The following CDKL1 variants were observed in gnomAD, a reference collection of about 807,000 sequenced individuals.
CDKL1 encodes the protein cyclin dependent kinase like 1.
CDKL1 carries 41 observed loss-of-function variants against 42.0 expected under a neutral mutation model. That is an observed-to-expected ratio of 0.98 (90% CI 0.76 to 1.27). The LOEUF is 1.27. Ranked by LOEUF, CDKL1 falls within the 50% of genes most tolerant of loss-of-function variation. CDKL1 has a pLI of 0.00. For synonymous variants in CDKL1, 153 were observed against 158.6 expected, an observed-to-expected ratio of 0.96 and a Z score of 0.26; for missense variants, 394 against 428.4, an observed-to-expected ratio of 0.92 and a Z score of 0.71.
At chr14:50,336,625 G>A (rs186863053) in intron 7 of CDKL1, among the ~76,000 whole-genome samples, 13 of 152,306 alleles carry the variant, frequency 8.5e-5, no homozygotes, top group African/African-American at 3.1e-4. Flanking sequence ...TCTGAAAACT[G>A]AAGGGTTTAG....
chr14:50,395,758 T>G lies in CDKL1; in HGVS notation c.111A>C (p.Glu37Asp). ...GQIVAIKKFL[E>D]SEDDPVIKKI... The stretch of plus-strand genomic sequence containing the variant: ...TCTTTATGACAGGGTCATCTTCTGA[T>G]TCCAGAAACTTCTTGATGGCCACAA... Residue 37 changes from glutamate to aspartate, a missense_variant, in exon 2 of 10, where the codon GAA becomes GAC. Coordinates refer to ENST00000395834, the MANE Select transcript of CDKL1 (RefSeq NM_004196.7). 6.2e-7 allele frequency: 1 copy of G among 1,614,054 alleles called. No homozygotes were observed. The highest frequency in any genetic ancestry group is 8.5e-7 in the Non-Finnish European group (1 of 1,179,870).
chr14:50,359,045 C>T lies in CDKL1; in HGVS notation c.273G>A (p.Leu91=), dbSNP rs1227597997. The part of the protein sequence containing the change: ...EYCDHTVLHE[L]DRYQRGVPEH... ...TCACTCACCCTCTTTGGTATCTGTC[C>T]AACTCATGGAGAACTGTGTGGTCAC... The change falls in exon 3 of 10, where the codon TTG becomes TTA. Residue 91 remains leucine, a synonymous_variant. Transcript: ENST00000395834. The T allele has an allele frequency of 1.9e-6, 3 of 1,612,046 alleles. No individual in the cohort carries two copies. The highest frequency in any genetic ancestry group is 1.7e-6 in the Non-Finnish European group (2 of 1,178,542).
At chr14:50,349,208 A>G (rs2033822340) in intron 3 of CDKL1, among the ~76,000 whole-genome samples, 1 of 152,232 alleles carries the variant, frequency 6.6e-6, no homozygotes, top group Middle Eastern at 3.2e-3. Flanking sequence ...ACTAGAAGAT[A>G]GAAGACACTA....
chr14:50,363,697 C>G (rs1390181310), intron 2 of CDKL1: 1 of 152,200 alleles, frequency 6.6e-6, no homozygotes, highest in Non-Finnish European at 1.5e-5. Flanking sequence ...AGAAATGCAT[C>G]AATTCTACCC....
At chr14:50,335,319 AAG>A (rs2033203220) in intron 7 of CDKL1, 15 of 491,288 alleles carry the variant, frequency 3.1e-5, no homozygotes, top group African/African-American at 6.2e-5. Flanking sequence ...AAAAAAAAAA[AAG>A]GCAGCTCTAA....
At chr14:50,369,756 T>A (rs897418615) in intron 2 of CDKL1, among the ~76,000 whole-genome samples, 1 of 151,426 alleles carries the variant, frequency 6.6e-6, no homozygotes, top group African/African-American at 2.4e-5. Flanking sequence ...GTAGCTGGGA[T>A]TACAGGCACC....
intron 3 of CDKL1, among the ~76,000 whole-genome samples, chr14:50,358,653 T>TTTTTTTTTG: frequency 7.4e-6 from 1 of 135,036 alleles, no homozygotes; most frequent in Middle Eastern, 3.7e-3. Context: ...TTTTTTTTTT[T>TTTTTTTTTG]TTTTGAGACA....
At chr14:50,362,026 C>T (rs116628281) in intron 2 of CDKL1, among the ~76,000 whole-genome samples, 113 of 152,326 alleles carry the variant, frequency 7.4e-4, no homozygotes, top group African/African-American at 2.6e-3. Context: ...TCTAGCGGCC[C>T]CCTGGCCCAC....
Position 50,372,106 on chromosome 14 carries a change from GTTTT to G in CDKL1, c.169-12961_169-12958del, listed in dbSNP as rs1353875238. Among the ~76,000 whole-genome samples the G allele has an allele frequency of 1.7e-4, 25 of 150,040 alleles. No individual in the cohort carries two copies. In the South Asian group the frequency reaches 4.0e-3, roughly 24 times the overall value. On this transcript the variant is annotated intron_variant, in intron 2 of 9. Transcript: ENST00000395834. ...TGTATTATATGTTTTGGGTATTTTT[GTTTT>G]GTTTTGTTTTGTTTTGTTTTTGAGA...
chr14:50,396,933 G>T, upstream of CDKL1: 4 of 356,288 alleles, frequency 1.1e-5, no homozygotes, highest in South Asian at 9.5e-5. Flanking sequence ...TCCCGCCCCG[G>T]GTCTGCCTGG....
chr14:50,393,710 ACT>A (rs1595385305), intron 2 of CDKL1, among the ~76,000 whole-genome samples: 1 of 152,046 alleles, frequency 6.6e-6, no homozygotes. Context: ...TAAAGAACAG[ACT>A]CTACCTATAA....
In CDKL1 at chr14:50,327,173, T is replaced by A. The variant is rs1057227404; in HGVS notation, c.*2901A>T. 9.9e-5 allele frequency: 15 copies of A among 151,168 alleles called. No homozygotes were observed. The highest frequency in any genetic ancestry group is 3.4e-4 in the African/African-American group (14 of 41,112). The allele number at this position is 151,168 out of a possible 1,614,324, so 9.4% of individuals were successfully genotyped here. ...CAAAACCCTGTCTCTACCAAAAAATTAAAAAATAAAAAATAGCTGGGTGTA... is the reference window on the plus strand; with the variant it reads ...CAAAACCCTGTCTCTACCAAAAAATAAAAAAATAAAAAATAGCTGGGTGTA... On this transcript the variant is annotated 3_prime_UTR_variant, in exon 10 of 10. Transcript: ENST00000395834.
At position 50,326,372 on chromosome 14, in the gene CDKL1, A is replaced by G; in HGVS notation, c.*3702T>C. On this transcript the variant is annotated 3_prime_UTR_variant, in exon 10 of 10. Coordinates refer to ENST00000395834, the MANE Select transcript of CDKL1 (RefSeq NM_004196.7). ...GTACAACAGATGTTTTTATTATAAC[A>G]GTAATTTACATTTAACTTTAAAGTT... The G allele has an allele frequency of 1.1e-6, 1 of 893,588 alleles. No individual in the cohort carries two copies. Among genetic ancestry groups the G allele is most frequent in the Non-Finnish European group, 1.3e-6 (1 of 746,348 alleles). The allele number at this position is 893,588 out of a possible 1,614,324, so 55.4% of individuals were successfully genotyped here. A position where few individuals can be genotyped will look rare whatever the true frequency, so the allele number is the denominator to read the frequency against.
intron 3 of CDKL1, among the ~76,000 whole-genome samples, chr14:50,348,545 A>G (rs1204318365): frequency 6.6e-6 from 1 of 152,178 alleles, no homozygotes; most frequent in Non-Finnish European, 1.5e-5. Context: ...ACTCTGGGAA[A>G]CCCGGCAGGC....
chr14:50,377,498 G>C (rs1236893127), intron 2 of CDKL1: 1 of 996,430 alleles, frequency 1.0e-6, no homozygotes, highest in Admixed American at 3.7e-5. Context: ...TCCTGTCTCA[G>C]ACTTTACTTT....
chr14:50,368,544 G>A (rs184768103), intron 2 of CDKL1, among the ~76,000 whole-genome samples: 7 of 152,240 alleles, frequency 4.6e-5, no homozygotes, highest in Admixed American at 3.9e-4. Flanking sequence ...GATTATGGGC[G>A]TGAGCCACTG....
At chr14:50,362,534 T>C in intron 2 of CDKL1, 1 of 189,490 alleles carries the variant, frequency 5.3e-6, no homozygotes, top group South Asian at 7.8e-5. Context: ...TGGTGGGGAC[T>C]TGGAGAACCT....
chr14:50,342,060 C>A, intron 5 of CDKL1, 72 bp downstream of exon 5: 1 of 1,157,384 alleles, frequency 8.6e-7, no homozygotes, highest in Non-Finnish European at 1.3e-6. Flanking sequence ...ACTTCTAGAG[C>A]ATTTAGATCC....
intron 1 of CDKL1, 47 bp from the exon 2 acceptor site, chr14:50,396,376 C>A (rs1445618221): frequency 1.0e-6 from 1 of 985,550 alleles, no homozygotes; most frequent in East Asian, 1.1e-4. Context: ...GTACCCGTGT[C>A]GGCAATGGCA....
Sources: allele counts gnomAD v4.1 joint callset (sites outside exome capture counted in the v4.1 genomes callset), GRCh38; gene constraint gnomAD v4.1.1; transcripts MANE v1.5; gene names NCBI Gene and HGNC (gene_info 2026-07-23, HGNC 2026-07-21).